Variants in LNPK observed in about 807,000 individuals in gnomAD.
LNPK encodes the protein lunapark, ER junction formation factor, also known as endoplasmic reticulum junction formation protein lunapark.
LNPK carries 29 observed loss-of-function variants against 55.2 expected under a neutral mutation model. That is an observed-to-expected ratio of 0.53 (90% CI 0.39 to 0.72). The LOEUF is 0.72. Ranked by LOEUF, LNPK falls within the 30% of genes least tolerant of loss-of-function variation. The probability of loss-of-function intolerance (pLI) is 0.00; values close to 1 mark genes in which losing one functional copy is unlikely to be tolerated. For synonymous variants in LNPK, 162 were observed against 168.2 expected (o/e 0.96, Z 0.29); for missense variants, 467 against 494.8 (o/e 0.94, Z 0.53).
At chr2:175,985,920 T>A (rs1015398747) in intron 4 of LNPK, among the ~76,000 whole-genome samples, 2 of 152,212 alleles carry the variant, frequency 1.3e-5, no homozygotes, top group Non-Finnish European at 2.9e-5. Flanking sequence ...CATATAGATG[T>A]TACCATTGGG....
Position 175,928,582 on chromosome 2 carries a change from ATGTTTTGTTC to A in LNPK, c.*1375_*1384del, listed in dbSNP as rs1235932116. The A allele has an allele frequency of 3.3e-5, 5 of 151,922 alleles. No individual in the cohort carries two copies. The highest frequency in any genetic ancestry group is 7.4e-5 in the Non-Finnish European group (5 of 67,962). 9.4% of individuals were successfully genotyped at this position (151,922 alleles called of 1,614,324 possible). A position where few individuals can be genotyped will look rare whatever the true frequency, so the allele number is the denominator to read the frequency against. On this transcript the variant is annotated 3_prime_UTR_variant, in exon 13 of 13. Transcript: ENST00000272748. ...AAAAATAGATTTTTAAATGATAAAAATGTTTTGTTCAGTTGTTAATAAACTGTGTGCAACT... is the reference window on the plus strand; with the variant it reads ...AAAAATAGATTTTTAAATGATAAAAAAGTTGTTAATAAACTGTGTGCAACT...
chr2:175,966,534 TAG>T (rs1434402448), intron 6 of LNPK, among the ~76,000 whole-genome samples: 1 of 152,214 alleles, frequency 6.6e-6, no homozygotes, highest in African/African-American at 2.4e-5. Flanking sequence ...GCATTCCTGG[TAG>T]ATTATTCAGC....
intron 8 of LNPK, among the ~76,000 whole-genome samples, chr2:175,949,690 A>G (rs955337593): frequency 2.6e-5 from 4 of 152,120 alleles, no homozygotes; most frequent in Admixed American, 1.3e-4. Context: ...CAAGCATTCC[A>G]TAAAAGAGAT....
intron 9 of LNPK, among the ~76,000 whole-genome samples, chr2:175,944,273 C>T (rs1685009061): frequency 6.6e-6 from 1 of 151,812 alleles, no homozygotes; most frequent in Admixed American, 6.6e-5. Context: ...AAATTAATGA[C>T]ATAAATAAGT....
At chr2:175,937,272 A>G (rs1684594191) in intron 12 of LNPK, 72 bp downstream of exon 12, 1 of 1,417,310 alleles carries the variant, frequency 7.1e-7, no homozygotes, top group Admixed American at 2.1e-5. Flanking sequence ...TCTTTATCTA[A>G]AAGCATTATG....
intron 6 of LNPK, among the ~76,000 whole-genome samples, chr2:175,968,140 G>A (rs953527382): frequency 2.0e-5 from 3 of 152,160 alleles, no homozygotes; most frequent in African/African-American, 2.4e-5. Context: ...TCCCAGAAAC[G>A]TCAACATTAA....
intron 8 of LNPK, among the ~76,000 whole-genome samples, chr2:175,959,503 G>A (rs1093744): frequency 0.26 from 39,147 of 151,966 alleles, 5,778 homozygotes; most frequent in South Asian, 0.41. Context: ...TTACAGACAA[G>A]CAAATGCTGA....
intron 1 of LNPK, 77 bp from the exon 2 acceptor site, chr2:175,995,723 A>T: frequency 1.8e-6 from 1 of 543,898 alleles, no homozygotes; most frequent in Non-Finnish European, 3.2e-6. Flanking sequence ...ATACTGCCTA[A>T]AAAATGTTAT....
At chr2:176,002,312 T>C, upstream of LNPK, 2 of 430,856 alleles carry the variant, frequency 4.6e-6, no homozygotes, top group Admixed American at 2.6e-5. Context: ...CTCCAGCCGC[T>C]CGCCAATTGG....
At chr2:175,947,453 G>A (rs1299447785) in intron 9 of LNPK, 27 bp downstream of exon 9, 5 of 1,582,682 alleles carry the variant, frequency 3.2e-6, no homozygotes, top group Non-Finnish European at 4.3e-6. Context: ...AATATAAACT[G>A]TAAATAACAT....
At chr2:175,952,385 T>G (rs994415280) in intron 8 of LNPK, among the ~76,000 whole-genome samples, 2 of 152,040 alleles carry the variant, frequency 1.3e-5, no homozygotes, top group African/African-American at 4.8e-5. Context: ...ACTATAGTAC[T>G]ATAGTTAGGG....
In LNPK at chr2:175,951,584, CATATATAT is replaced by C. The variant is rs56037027; in HGVS notation, c.494-3900_494-3893del. ...TATGGCTGAGTAGTATTCCATCATTCATATATATATATATATATATATATATCTCAGTT... is the reference window on the plus strand; with the variant it reads ...TATGGCTGAGTAGTATTCCATCATTCATATATATATATATATATCTCAGTT... On this transcript the variant is annotated intron_variant, in intron 8 of 12. Coordinates refer to ENST00000272748, the MANE Select transcript of LNPK (RefSeq NM_030650.3). 2.8e-3 allele frequency among the ~76,000 whole-genome samples: 255 copies of C among 90,718 alleles called. 20 individuals carry two copies. The highest frequency in any genetic ancestry group is 7.5e-3 in the African/African-American group (164 of 21,868). The allele number at this position is 90,718 out of a possible 152,430, so 59.5% of individuals were successfully genotyped here.
rs59361369 is a variant in LNPK at position 175,986,671 on chromosome 2, A to G, written c.257+5560T>C. Among the ~76,000 whole-genome samples the G allele has an allele frequency of 8.5e-3, 1,298 of 152,232 alleles. 15 individuals are homozygous for G. The highest frequency in any genetic ancestry group is 0.03 in the African/African-American group (1,229 of 41,570). ...TTTAATATAATCCCTTTGTATCAAGAGAAGATGAAAAATCATATGGTATCT... is the reference window on the plus strand; with the variant it reads ...TTTAATATAATCCCTTTGTATCAAGGGAAGATGAAAAATCATATGGTATCT... On this transcript the variant is annotated intron_variant, in intron 4 of 12. Coordinates refer to ENST00000272748, the MANE Select transcript of LNPK (RefSeq NM_030650.3).
intron 9 of LNPK, chr2:175,941,156 TAGA>T: frequency 3.0e-6 from 1 of 337,860 alleles, no homozygotes; most frequent in Admixed American, 4.0e-5. Context: ...GAGGCAGAGG[TAGA>T]AGGACTGCTT....
chr2:175,959,060 G>C (rs939472583), intron 8 of LNPK, among the ~76,000 whole-genome samples: 3 of 152,188 alleles, frequency 2.0e-5, no homozygotes, highest in South Asian at 2.1e-4. Flanking sequence ...AGAAATATGG[G>C]ACTATGTGAA....
intron 4 of LNPK, among the ~76,000 whole-genome samples, chr2:175,991,531 T>G (rs1687701138): frequency 6.6e-6 from 1 of 152,180 alleles, no homozygotes; most frequent in South Asian, 2.1e-4. Context: ...ACTGAGGCAA[T>G]GCCCCTATTA....
At chr2:175,950,353 T>C (rs1574833932) in intron 8 of LNPK, among the ~76,000 whole-genome samples, 1 of 152,080 alleles carries the variant, frequency 6.6e-6, no homozygotes, top group Admixed American at 6.6e-5. Context: ...TACAGTAGGG[T>C]GACTACAATT....
At chr2:175,950,936 T>C (rs932782829) in intron 8 of LNPK, among the ~76,000 whole-genome samples, 1 of 152,130 alleles carries the variant, frequency 6.6e-6, no homozygotes, top group Non-Finnish European at 1.5e-5. Flanking sequence ...AATATATAGA[T>C]ACTAATTTAC....
rs1389109000 is a variant in LNPK, at chr2:175,929,992, C to T, written c.1262G>A (p.Ser421Asn). The change falls in exon 13 of 13, where the codon AGT (serine) becomes AAT (asparagine). Residue 421 changes from serine to asparagine, a missense_variant. Transcript: ENST00000272748. The part of the protein sequence containing the change: ...GADSIPDPEL[S>N]GESLTAE ...CTACTCTGCCGTCAAAGATTCTCCA[C>T]TTAGTTCAGGATCAGGAATAGAATC... 3.1e-6 allele frequency: 5 copies of T among 1,614,008 alleles called. No individual in the cohort carries two copies. The highest frequency in any genetic ancestry group is 3.4e-6 in the Non-Finnish European group (4 of 1,179,922).
Sources: allele counts gnomAD v4.1 joint callset (sites outside exome capture counted in the v4.1 genomes callset), GRCh38; gene constraint gnomAD v4.1.1; transcripts MANE v1.5; gene names NCBI Gene and HGNC (gene_info 2026-07-23, HGNC 2026-07-21).